ZNF444: variants seen among roughly 807,000 people sequenced by gnomAD.
ZNF444 encodes the protein zinc finger protein 444, also known as endothelial zinc finger protein 2.
Under a neutral mutation model 14.4 loss-of-function variants are expected in ZNF444, and 8 were observed. The observed-to-expected ratio is 0.56, with a 90% CI of 0.33 to 1.00. The LOEUF (loss-of-function observed/expected upper bound fraction) is 1.00, where lower values mean the gene tolerates loss of function less well. Among genes scored for constraint, ZNF444 ranks in the 50% least tolerant of loss-of-function variants. The pLI is 0.03. For missense variants in ZNF444, 510 were observed against 504.8 expected, an observed-to-expected ratio of 1.01 and a Z score of -0.10; for synonymous variants, 258 against 235.9, an observed-to-expected ratio of 1.09 and a Z score of -0.86.
chr19:56,132,931 C>CT (rs1488948457), intron 1 of ZNF444, among the ~76,000 whole-genome samples: 2 of 38,182 alleles, frequency 5.2e-5, no homozygotes, highest in African/African-American at 1.4e-4. Flanking sequence ...TTCTTTCTTT[C>CT]TTTCTTTTTT....
chr19:56,147,472 C>T lies in ZNF444; in HGVS notation c.297+264C>T, dbSNP rs867510493. On this transcript the variant is annotated intron_variant, in intron 3 of 4. Transcript: ENST00000337080. The surrounding 1 kb of genome is among the most constrained non-coding windows in gnomAD (Gnocchi z 5.9). Reference sequence around the variant, plus strand: ...GGACTCACAGCCGTGTTCACGGTCACGGCTTATCAGAGAAGGACGTGCTGG... The same window carrying T: ...GGACTCACAGCCGTGTTCACGGTCATGGCTTATCAGAGAAGGACGTGCTGG... 8.5e-5 allele frequency among the ~76,000 whole-genome samples: 13 copies of T among 152,254 alleles called. No homozygotes were observed. The highest frequency in any genetic ancestry group is 2.9e-4 in the African/African-American group (12 of 41,546).
chr19:56,149,931 T>G (rs1280664951), intron 3 of ZNF444: 2 of 157,326 alleles, frequency 1.3e-5, no homozygotes, highest in Middle Eastern at 6.4e-4. Context: ...TGTCAGTGCT[T>G]AACTCCCTCC....
At chr19:56,142,302 A>G (rs1198905074) in intron 1 of ZNF444, 1 of 152,234 alleles carries the variant, frequency 6.6e-6, no homozygotes, top group Admixed American at 6.5e-5. Flanking sequence ...ACAGGGTATT[A>G]CAAAAGGTGC....
Position 56,160,110 on chromosome 19 carries a change from G to A in ZNF444, c.893G>A (p.Arg298His). Residue 298 changes from arginine to histidine, a missense_variant, in exon 5 of 5, where the codon CGC (arginine) becomes CAC (histidine). Arg to His is a conservative substitution (Grantham distance 29). Transcript: ENST00000337080. ...CGCGAGCACGTGCTGCGCCACCAGCGCATCCACGGCCGGGCAGCGGCCAGC... is the reference window on the plus strand; with the variant it reads ...CGCGAGCACGTGCTGCGCCACCAGCACATCCACGGCCGGGCAGCGGCCAGC... ...GRREHVLRHQ[R>H]IHGRAAASAQ... 2 of 1,491,798 alleles carry A rather than the reference G, an allele frequency of 1.3e-6. No homozygotes were observed. The highest frequency in any genetic ancestry group is 2.2e-5 in the Admixed American group (1 of 44,840). 92.4% of individuals were successfully genotyped at this position (1,491,798 alleles called of 1,614,324 possible). A position where few individuals can be genotyped will look rare whatever the true frequency, so the allele number is the denominator to read the frequency against.
At chr19:56,132,797 G>C (rs1335023871) in intron 1 of ZNF444, 1 of 152,140 alleles carries the variant, frequency 6.6e-6, no homozygotes, top group Non-Finnish European at 1.5e-5. Flanking sequence ...AGCTTGACTC[G>C]CTCCTCCTGT....
intron 3 of ZNF444, among the ~76,000 whole-genome samples, chr19:56,153,460 TCTC>T (rs1283151639): frequency 2.0e-5 from 3 of 152,128 alleles, no homozygotes; most frequent in Non-Finnish European, 4.4e-5. Flanking sequence ...AGCCTCCTCT[TCTC>T]CTGCTGTGGA....
chr19:56,150,386 C>G, intron 3 of ZNF444: 2 of 296,248 alleles, frequency 6.8e-6, no homozygotes, highest in Non-Finnish European at 1.3e-5. Context: ...TCCAGGCCGT[C>G]GGGACTCTCC....
At chr19:56,150,428 T>C (rs1403786865) in intron 3 of ZNF444, 2 of 349,922 alleles carry the variant, frequency 5.7e-6, no homozygotes, top group Admixed American at 8.0e-5. Flanking sequence ...GGCGAACCTC[T>C]CACTGTGGCT....
At chr19:56,135,231 A>G (rs2030584233) in intron 1 of ZNF444, among the ~76,000 whole-genome samples, 1 of 151,950 alleles carries the variant, frequency 6.6e-6, no homozygotes, top group African/African-American at 2.4e-5. Flanking sequence ...ACTCTGTCTC[A>G]AAAAAAAGAA....
At chr19:56,140,615 C>T (rs892783843), upstream of ZNF444, among the ~76,000 whole-genome samples, 4 of 152,294 alleles carry the variant, frequency 2.6e-5, no homozygotes, top group East Asian at 7.7e-4. Flanking sequence ...AACAGGAGGG[C>T]AGCCTGCTCA....
At chr19:56,149,782 A>AGTTCATCCATGTCCCTGCAAAGGACAT (rs1295337984) in intron 3 of ZNF444, 1 of 152,360 alleles carries the variant, frequency 6.6e-6, no homozygotes, top group African/African-American at 2.4e-5. Flanking sequence ...GATGGCGTCC[A>AGTTCATCCATGTCCCTGCAAAGGACAT]GTTCATCCAT....
chr19:56,159,406 C>G (rs1259927757), intron 4 of ZNF444, among the ~76,000 whole-genome samples: 2 of 152,180 alleles, frequency 1.3e-5, no homozygotes, highest in Non-Finnish European at 1.5e-5. Context: ...CATCCATCAT[C>G]CAGCCAGCCA....
chr19:56,156,411 C>T (rs1004169791), intron 3 of ZNF444: 3 of 152,204 alleles, frequency 2.0e-5, no homozygotes, highest in Non-Finnish European at 2.9e-5. Context: ...GCGGGGAAAC[C>T]TCGCAAGGCC....
rs2032185157 is a variant in ZNF444 at position 56,159,994 on chromosome 19, C to T, written c.777C>T (p.Phe259=). 1.3e-5 allele frequency: 19 copies of T among 1,512,824 alleles called. No individual in the cohort carries two copies. In the East Asian group the frequency reaches 5.0e-4, roughly 40 times the overall value. The allele number at this position is 1,512,824 out of a possible 1,614,324, so 93.7% of individuals were successfully genotyped here. A position where few individuals can be genotyped will look rare whatever the true frequency, so the allele number is the denominator to read the frequency against. Residue 259 remains phenylalanine (F), a synonymous_variant, in exon 5 of 5, where the codon TTC becomes TTT. Transcript: ENST00000337080. The stretch of plus-strand genomic sequence containing the variant: ...CGTGCTGCGAGTGTGGCAAGACCTT[C>T]TACTGGCGCGAGCACCTGGTGCGCC... ...PHACCECGKT[F]YWREHLVRHR...
In ZNF444 at chr19:56,147,696, C is replaced by A. The variant is rs917468546; in HGVS notation, c.297+488C>A. Among the ~76,000 whole-genome samples, 1 of 152,078 alleles carries A rather than the reference C, an allele frequency of 6.6e-6. No individual in the cohort carries two copies. The highest frequency in any genetic ancestry group is 1.5e-5 in the Non-Finnish European group (1 of 68,016). On this transcript the variant is annotated intron_variant, in intron 3 of 4. Transcript: ENST00000337080. This position sits in a 1 kb window ranked among gnomAD's most constrained non-coding sequence, Gnocchi z 5.9. Reference sequence around the variant, plus strand: ...CCCGCCCCCTGAAAGTCAAGGATACCCCCTGGTCCAAACTCTACCCCAAAT... The same window carrying A: ...CCCGCCCCCTGAAAGTCAAGGATACACCCTGGTCCAAACTCTACCCCAAAT...
chr19:56,158,349 TG>T, intron 3 of ZNF444, 144 bp from the exon 4 acceptor site: 1 of 740,674 alleles, frequency 1.4e-6, no homozygotes. Flanking sequence ...GGCCTCTCTG[TG>T]GGGCAGCTTC....
chr19:56,152,657 C>T (rs555428996), intron 3 of ZNF444, among the ~76,000 whole-genome samples: 1 of 152,126 alleles, frequency 6.6e-6, no homozygotes, highest in African/African-American at 2.4e-5. Context: ...CTGAAAACAA[C>T]GGGAATGTAT....
chr19:56,144,540 G>A lies in ZNF444; in HGVS notation c.-196-1707G>A, dbSNP rs963823308. ...GTGGAGTGATTTGGCTCTAGGTGGCGAGAGTAGGCATACACGGGTCTTGTG... is the reference window on the plus strand; with the variant it reads ...GTGGAGTGATTTGGCTCTAGGTGGCAAGAGTAGGCATACACGGGTCTTGTG... On this transcript the variant is annotated intron_variant, in intron 1 of 4. Transcript: ENST00000337080. This position sits in a 1 kb window ranked among gnomAD's most constrained non-coding sequence, Gnocchi z 4.0. 6.6e-6 allele frequency among the ~76,000 whole-genome samples: 1 copy of A among 152,168 alleles called. No homozygotes were observed. The highest frequency in any genetic ancestry group is 1.5e-5 in the Non-Finnish European group (1 of 68,044).
rs775918921 is a variant in ZNF444, at chr19:56,160,442, T to C, written c.*241T>C. 7.7e-5 allele frequency: 35 copies of C among 452,554 alleles called. No homozygotes were observed. Among genetic ancestry groups the C allele is most frequent in the Non-Finnish European group, 1.4e-4 (35 of 257,802 alleles). The allele number at this position is 452,554 out of a possible 1,614,324, so 28.0% of individuals were successfully genotyped here. ...CCCCCTTCTCCCTGATTTCTCGGCCTCTCTCTCTGTGTGAAGGGGCCTCTC... is the reference window on the plus strand; with the variant it reads ...CCCCCTTCTCCCTGATTTCTCGGCCCCTCTCTCTGTGTGAAGGGGCCTCTC... On this transcript the variant is annotated 3_prime_UTR_variant, in exon 5 of 5. Coordinates refer to ENST00000337080, the MANE Select transcript of ZNF444 (RefSeq NM_018337.4).
Sources: gnomAD v4.1 joint callset for allele counts (sites outside exome capture counted in the v4.1 genomes callset) on GRCh38, gnomAD v4.1.1 for gene constraint, Gnocchi (gnomAD v3.1) non-coding constraint, MANE v1.5 for transcripts, NCBI Gene and HGNC (gene_info 2026-07-23, HGNC 2026-07-21) for gene names.